Variants in POC1B observed in about 807,000 individuals in gnomAD.
POC1B encodes POC1 centriolar protein B, also known as POC1 centriolar protein homolog B.
A neutral mutation model predicts 60.6 loss-of-function variants in POC1B; 44 were observed. That is an observed-to-expected ratio of 0.73 (90% CI 0.57 to 0.93). POC1B has a LOEUF of 0.93. Among genes scored for constraint, POC1B ranks in the 40% least tolerant of loss-of-function variants. POC1B has a pLI of 0.00. For synonymous variants in POC1B, 180 were observed against 198.9 expected (o/e 0.90, Z 0.80); for missense variants, 555 against 572.3 (o/e 0.97, Z 0.31).
intron 4 of POC1B, among the ~76,000 whole-genome samples, chr12:89,490,086 A>G (rs1190557697): frequency 6.6e-6 from 1 of 152,182 alleles, no homozygotes; most frequent in African/African-American, 2.4e-5. Flanking sequence ...GAGCCAGCAT[A>G]TAGAGAGGCC....
At chr12:89,437,137 C>T (rs192167713) in intron 10 of POC1B, among the ~76,000 whole-genome samples, 34 of 152,294 alleles carry the variant, frequency 2.2e-4, no homozygotes, top group Admixed American at 2.1e-3. Context: ...CAGTTGTCAC[C>T]TCATGTCTGG....
chr12:89,415,412 G>A (rs1880347033), downstream of POC1B, among the ~76,000 whole-genome samples: 1 of 152,164 alleles, frequency 6.6e-6, no homozygotes, highest in South Asian at 2.1e-4. Flanking sequence ...GGGAGGCCGA[G>A]GCGGGTGGAT....
At chr12:89,425,417 TC>T in intron 10 of POC1B, 38 bp from the exon 11 acceptor site, 1 of 1,545,098 alleles carries the variant, frequency 6.5e-7, no homozygotes, top group Non-Finnish European at 8.8e-7. Flanking sequence ...AGTTATATTT[TC>T]CAAACTTTAA....
intron 1 of POC1B, chr12:89,525,575 A>C: frequency 2.4e-6 from 3 of 1,276,258 alleles, no homozygotes; most frequent in Non-Finnish European, 9.9e-7. Flanking sequence ...AATACTTCCT[A>C]GGTGATTCTG....
chr12:89,414,331 C>T, the POC1B span, among the ~76,000 whole-genome samples: 8 of 152,088 alleles, frequency 5.3e-5, no homozygotes, highest in African/African-American at 1.4e-4. Flanking sequence ...AGTAGGAACA[C>T]GTTTGAGATT....
At chr12:89,402,110 G>A in the POC1B span, among the ~76,000 whole-genome samples, 1 of 152,158 alleles carries the variant, frequency 6.6e-6, no homozygotes, top group Admixed American at 6.5e-5. Flanking sequence ...CAGGTGTCCA[G>A]TTAAGTGTTA....
intron 9 of POC1B, 89 bp downstream of exon 9, chr12:89,466,681 A>C: frequency 7.8e-7 from 1 of 1,277,866 alleles, no homozygotes; most frequent in Non-Finnish European, 1.1e-6. Context: ...ACTAGGTTTT[A>C]TATATAATTC....
At chr12:89,412,729 A>G in the POC1B span, among the ~76,000 whole-genome samples, 1 of 152,164 alleles carries the variant, frequency 6.6e-6, no homozygotes. Flanking sequence ...ATAAATACTT[A>G]AAAATCCATA....
chr12:89,522,898 T>TAAGC, intron 2 of POC1B: 1 of 1,613,844 alleles, frequency 6.2e-7, no homozygotes, highest in Non-Finnish European at 8.5e-7. Context: ...CGGTGTCCGA[T>TAAGC]AAGCACTAAG....
rs1236060591 is a variant in POC1B, at chr12:89,440,885, T to C, written c.1114-15506A>G. The stretch of plus-strand genomic sequence containing the variant: ...CCTAGCCAAGGGAAGCCATGACAGA[T>C]GGTACCTGGAAAATCAGGACACTCC... On this transcript the variant is annotated intron_variant, in intron 10 of 11. Coordinates refer to ENST00000313546, the MANE Select transcript of POC1B (RefSeq NM_172240.3). Among the ~76,000 whole-genome samples, 3 of 152,186 alleles carry C rather than the reference T, an allele frequency of 2.0e-5. No homozygotes were observed. In the East Asian group the frequency reaches 5.8e-4, roughly 29 times the overall value.
chr12:89,431,434 TACAC>T (rs370664797), intron 10 of POC1B, among the ~76,000 whole-genome samples: 39 of 149,598 alleles, frequency 2.6e-4, no homozygotes, highest in South Asian at 2.1e-3. Flanking sequence ...TTTAAATCAC[TACAC>T]ACACACACAC....
chr12:89,511,860 T>G (rs1870205500), intron 2 of POC1B, among the ~76,000 whole-genome samples: 2 of 151,958 alleles, frequency 1.3e-5, no homozygotes, highest in South Asian at 4.1e-4. Flanking sequence ...TTGAGACCAG[T>G]TTGGCCAATA....
intron 1 of POC1B, chr12:89,525,564 T>TTA: frequency 7.8e-7 from 1 of 1,279,928 alleles, no homozygotes; most frequent in Non-Finnish European, 9.8e-7. Context: ...TTTTTTTTTT[T>TTA]AATACTTCCT....
chr12:89,473,716 T>G (rs1882999011), intron 4 of POC1B, among the ~76,000 whole-genome samples: 1 of 148,572 alleles, frequency 6.7e-6, no homozygotes. Context: ...AAGGAAAAAT[T>G]TTCCATGCTG....
At chr12:89,430,440 A>G (rs1377418336) in intron 10 of POC1B, among the ~76,000 whole-genome samples, 1 of 152,230 alleles carries the variant, frequency 6.6e-6, no homozygotes, top group Non-Finnish European at 1.5e-5. Context: ...AAAATTAACC[A>G]TTCAACAACA....
intron 10 of POC1B, chr12:89,425,622 C>G (rs1009474555): frequency 5.6e-6 from 2 of 359,584 alleles, no homozygotes; most frequent in African/African-American, 4.2e-5. Context: ...ATGAAACACA[C>G]TTTCCATACA....
chr12:89,443,987 G>T lies in POC1B; in HGVS notation c.1113+15651C>A, dbSNP rs568150619. 1.7e-3 allele frequency among the ~76,000 whole-genome samples: 259 copies of T among 152,194 alleles called. 6 individuals carry two copies. The highest frequency in any genetic ancestry group is 4.1e-4 in the Non-Finnish European group (28 of 68,010). Reference sequence around the variant, plus strand: ...AATAACATAAACACTTCTATGCAAAGAAACTAGAAAATCTAGAAGAAATGG... The same window carrying T: ...AATAACATAAACACTTCTATGCAAATAAACTAGAAAATCTAGAAGAAATGG... On this transcript the variant is annotated intron_variant, in intron 10 of 11. Transcript: ENST00000313546.
chr12:89,424,175 A>G (rs575091322), intron 11 of POC1B, among the ~76,000 whole-genome samples: 4 of 152,338 alleles, frequency 2.6e-5, no homozygotes, highest in South Asian at 4.1e-4. Flanking sequence ...CCCTGAGGTG[A>G]TAACTACAGG....
downstream of POC1B, among the ~76,000 whole-genome samples, chr12:89,416,634 G>C (rs1880371000): frequency 6.6e-6 from 1 of 152,182 alleles, no homozygotes; most frequent in South Asian, 2.1e-4. Flanking sequence ...ATGGAGTAGT[G>C]TATGTCTGCT....
Sources: allele counts gnomAD v4.1 joint callset (sites outside exome capture counted in the v4.1 genomes callset), GRCh38; gene constraint gnomAD v4.1.1; transcripts MANE v1.5; gene names NCBI Gene and HGNC (gene_info 2026-07-23, HGNC 2026-07-21).